Variants in GALNT13 observed in about 807,000 individuals in gnomAD.
GALNT13 encodes the protein polypeptide N-acetylgalactosaminyltransferase 13.
A neutral mutation model predicts 64.2 loss-of-function variants in GALNT13; 28 were observed. The observed-to-expected ratio is 0.44, with a 90% CI of 0.32 to 0.60. The LOEUF is 0.60. Among genes scored for constraint, GALNT13 ranks in the 20% least tolerant of loss-of-function variants. The pLI, the probability that GALNT13 is intolerant of heterozygous loss-of-function variation, is 0.05. For missense variants in GALNT13, 577 were observed against 669.8 expected, an observed-to-expected ratio of 0.86 and a Z score of 1.53; for synonymous variants, 214 against 224.6, an observed-to-expected ratio of 0.95 and a Z score of 0.42.
At chr2:153,290,741 G>C in the GALNT13 span, among the ~76,000 whole-genome samples, 19 of 152,214 alleles carry the variant, frequency 1.2e-4, no homozygotes, top group East Asian at 3.7e-3. Flanking sequence ...GCCTCATTTT[G>C]TACCTTGCAT....
chr2:154,224,368 A>G (rs895127094), intron 4 of GALNT13, among the ~76,000 whole-genome samples: 2 of 152,208 alleles, frequency 1.3e-5, no homozygotes, highest in African/African-American at 4.8e-5. Context: ...TTAATAAAGC[A>G]CACGTCAAAA....
At chr2:153,234,889 G>A in the GALNT13 span, among the ~76,000 whole-genome samples, 2 of 152,188 alleles carry the variant, frequency 1.3e-5, no homozygotes, top group African/African-American at 4.8e-5. Context: ...ACAGGCATAT[G>A]CCATTTTATT....
In GALNT13 at chr2:154,355,937, A is replaced by G. The variant is rs952181385; in HGVS notation, c.1157-40054A>G. On this transcript the variant is annotated intron_variant, in intron 9 of 12. Transcript: ENST00000392825. ...TGGGCCTTCTGACTTTCTTCCTGCCAGTATCTTTAATTGCCATGTGTTCTT... is the reference window on the plus strand; with the variant it reads ...TGGGCCTTCTGACTTTCTTCCTGCCGGTATCTTTAATTGCCATGTGTTCTT... Among the ~76,000 whole-genome samples the G allele has an allele frequency of 5.3e-5, 8 of 152,136 alleles. No individual in the cohort carries two copies. In the South Asian group the frequency reaches 1.7e-3, roughly 32 times the overall value.
the GALNT13 span, among the ~76,000 whole-genome samples, chr2:153,460,835 AT>A: frequency 1.3e-5 from 2 of 152,172 alleles, no homozygotes; most frequent in African/African-American, 2.4e-5. Flanking sequence ...TCAGCCACAG[AT>A]ACATCATTTT....
the GALNT13 span, among the ~76,000 whole-genome samples, chr2:153,267,229 A>G: frequency 1.3e-5 from 2 of 152,154 alleles, no homozygotes; most frequent in African/African-American, 4.8e-5. Context: ...AGCTGCTTTC[A>G]CAGGCTGGTG....
the GALNT13 span, among the ~76,000 whole-genome samples, chr2:153,790,207 A>G: frequency 4.6e-5 from 7 of 152,184 alleles, no homozygotes; most frequent in African/African-American, 1.7e-4. Context: ...AACTGAATCC[A>G]GCAGCACAAC....
chr2:153,315,861 A>G, the GALNT13 span, among the ~76,000 whole-genome samples: 1 of 152,222 alleles, frequency 6.6e-6, no homozygotes, highest in Non-Finnish European at 1.5e-5. Flanking sequence ...TAAAACAAAT[A>G]GGCAAGCTAC....
At chr2:154,157,377 A>G (rs908569862) in intron 4 of GALNT13, among the ~76,000 whole-genome samples, 3 of 152,030 alleles carry the variant, frequency 2.0e-5, no homozygotes, top group Non-Finnish European at 2.9e-5. Context: ...TGTTCCAACA[A>G]TTCTACCCAC....
chr2:153,769,728 A>G, the GALNT13 span, among the ~76,000 whole-genome samples: 2 of 152,170 alleles, frequency 1.3e-5, no homozygotes, highest in Non-Finnish European at 2.9e-5. Flanking sequence ...ATAACTCATA[A>G]GTTTGAACAC....
chr2:153,604,087 T>C, the GALNT13 span, among the ~76,000 whole-genome samples: 3 of 152,018 alleles, frequency 2.0e-5, no homozygotes. Flanking sequence ...CTAGTCAAGA[T>C]ATTGTTAACC....
At chr2:154,350,722 T>A (rs182353383) in intron 9 of GALNT13, among the ~76,000 whole-genome samples, 159 of 152,256 alleles carry the variant, frequency 1.0e-3, no homozygotes, top group Admixed American at 1.6e-3. Context: ...AATATGCTAG[T>A]TTCAGTAATG....
rs980833589 is a variant in GALNT13 at position 154,108,683 on chromosome 2, C to T, written c.143-31654C>T. 1.6e-4 allele frequency among the ~76,000 whole-genome samples: 21 copies of T among 133,938 alleles called. 1 individual carries two copies. The highest frequency in any genetic ancestry group is 7.6e-4 in the Admixed American group (11 of 14,550). The allele number at this position is 133,938 out of a possible 152,430, so 87.9% of individuals were successfully genotyped here. On this transcript the variant is annotated intron_variant, in intron 3 of 12. Transcript: ENST00000392825. ...CCAGCTCTTTCTTATGTAATTATTC[C>T]GTGATTTTTTTTTCTTCTTTTAGTT...
chr2:153,950,972 A>G (rs374001106), intron 3 of GALNT13, among the ~76,000 whole-genome samples: 11 of 152,246 alleles, frequency 7.2e-5, no homozygotes, highest in African/African-American at 2.6e-4. Context: ...TATACAGTAT[A>G]ATACTGCTTA....
At chr2:153,466,237 A>G in the GALNT13 span, among the ~76,000 whole-genome samples, 3 of 152,054 alleles carry the variant, frequency 2.0e-5, no homozygotes, top group South Asian at 6.2e-4. Context: ...TCCTCTGTTT[A>G]TAGCTGCTTC....
chr2:153,905,293 T>C (rs533117162), intron 2 of GALNT13, among the ~76,000 whole-genome samples: 7 of 152,054 alleles, frequency 4.6e-5, no homozygotes, highest in Non-Finnish European at 7.4e-5. Flanking sequence ...CATTTCCTCC[T>C]TATTAACTGG....
At chr2:154,280,191 A>G (rs117200803) in intron 8 of GALNT13, among the ~76,000 whole-genome samples, 2 of 152,282 alleles carry the variant, frequency 1.3e-5, no homozygotes, top group East Asian at 3.9e-4. Flanking sequence ...TAAGCATGAG[A>G]GACTGTTTAT....
the GALNT13 span, among the ~76,000 whole-genome samples, chr2:153,439,127 G>C: frequency 1.3e-4 from 20 of 152,156 alleles, no homozygotes; most frequent in Admixed American, 1.3e-3. Flanking sequence ...AGTGGCTCCA[G>C]AACAGCAGAT....
At chr2:154,320,894 G>A (rs72999312) in intron 9 of GALNT13, among the ~76,000 whole-genome samples, 146 of 152,234 alleles carry the variant, frequency 9.6e-4, no homozygotes, top group African/African-American at 3.4e-3. Context: ...CAGTAACATT[G>A]AAAAGATCTT....
At chr2:153,259,308 G>T in the GALNT13 span, among the ~76,000 whole-genome samples, 1 of 148,224 alleles carries the variant, frequency 6.7e-6, no homozygotes, top group Admixed American at 6.7e-5. Context: ...TTCATTTTAT[G>T]TGTCTCTTTA....
Sources: allele counts gnomAD v4.1 joint callset (sites outside exome capture counted in the v4.1 genomes callset), GRCh38; gene constraint gnomAD v4.1.1; transcripts MANE v1.5; gene names NCBI Gene and HGNC (gene_info 2026-07-23, HGNC 2026-07-21).